RBFOX1: variants seen among roughly 807,000 people sequenced by gnomAD.
The protein encoded by RBFOX1 is RNA binding protein fox-1 homolog 1.
Under a neutral mutation model 57.7 loss-of-function variants are expected in RBFOX1, and 8 were observed. The ratio of observed to expected loss-of-function variants is 0.14; its 90% CI spans 0.08 to 0.25. RBFOX1 has a LOEUF of 0.25. Among genes scored for constraint, RBFOX1 ranks in the 10% least tolerant of loss-of-function variants. The probability of loss-of-function intolerance (pLI) is 1.00; values close to 1 mark genes in which losing one functional copy is unlikely to be tolerated. For missense variants in RBFOX1, 611 were observed against 548.5 expected, an observed-to-expected ratio of 1.11 and a Z score of -1.14; for synonymous variants, 326 against 222.4, an observed-to-expected ratio of 1.47 and a Z score of -4.15.
chr16:6,651,813 C>G (rs1029232438), intron 2 of RBFOX1, among the ~76,000 whole-genome samples: 3 of 152,214 alleles, frequency 2.0e-5, no homozygotes, highest in Non-Finnish European at 4.4e-5. Context: ...GCCCAAATAT[C>G]TATCCACAGA....
chr16:5,966,515 T>C (rs1376679045), intron 4 of RBFOX1, among the ~76,000 whole-genome samples: 1 of 152,210 alleles, frequency 6.6e-6, no homozygotes, highest in Non-Finnish European at 1.5e-5. Flanking sequence ...TGGAGCGCAA[T>C]GGCGCGTTCT....
chr16:6,217,989 C>T (rs2097347199), intron 1 of RBFOX1, among the ~76,000 whole-genome samples: 1 of 152,122 alleles, frequency 6.6e-6, no homozygotes, highest in Non-Finnish European at 1.5e-5. Context: ...GCATTCTAGC[C>T]TGGAAGGCAG....
At chr16:7,597,215 G>A (rs2094749192) in intron 8 of RBFOX1, 156 bp from the exon 9 acceptor site, 1 of 510,102 alleles carries the variant, frequency 2.0e-6, no homozygotes, top group Admixed American at 4.0e-5. Context: ...AAAAATGTAT[G>A]ATTTTGTTAT....
chr16:5,889,378 C>T (rs544647786), intron 4 of RBFOX1, among the ~76,000 whole-genome samples: 7 of 152,290 alleles, frequency 4.6e-5, no homozygotes, highest in Non-Finnish European at 8.8e-5. Context: ...AGTTCCATGT[C>T]CCTGCAAAAG....
In RBFOX1 at chr16:5,339,470, G is replaced by GTTTTTTTTTTTTTTTTTTTTTTTTTTTTT. The variant is rs560472298; in HGVS notation, c.219+99367_219+99395dup. On this transcript the variant is annotated intron_variant, in intron 1 of 2. Transcript: ENST00000585867. Reference sequence around the variant, plus strand: ...AAAAGCTAGAAGCTGCTTTTTCCGTGTTTTTTTTTTTTTTTTTTTTTTTTT... The same window carrying GTTTTTTTTTTTTTTTTTTTTTTTTTTTTT: ...AAAAGCTAGAAGCTGCTTTTTCCGTGTTTTTTTTTTTTTTTTTTTTTTTTTTTTTTTTTTTTTTTTTTTTTTTTTTTTTT... 6.4e-4 allele frequency among the ~76,000 whole-genome samples: 26 copies of GTTTTTTTTTTTTTTTTTTTTTTTTTTTTT among 40,888 alleles called. 9 individuals carry two copies. Among genetic ancestry groups the GTTTTTTTTTTTTTTTTTTTTTTTTTTTTT allele is most frequent in the Non-Finnish European group, 7.7e-4 (17 of 22,198 alleles). The allele number at this position is 40,888 out of a possible 152,430, so 26.8% of individuals were successfully genotyped here. A position where few individuals can be genotyped will look rare whatever the true frequency, so the allele number is the denominator to read the frequency against.
At chr16:5,942,590 C>T (rs1412557682) in intron 4 of RBFOX1, among the ~76,000 whole-genome samples, 5 of 152,162 alleles carry the variant, frequency 3.3e-5, no homozygotes, top group Admixed American at 6.5e-5. Context: ...AAGTCCCTTT[C>T]ATGATCCTAA....
chr16:5,334,749 T>C (rs1246993127), intron 1 of RBFOX1, among the ~76,000 whole-genome samples: 1 of 151,722 alleles, frequency 6.6e-6, no homozygotes, highest in Non-Finnish European at 1.5e-5. Context: ...ATGGGCAATG[T>C]GGTACACTGT....
intron 2 of RBFOX1, among the ~76,000 whole-genome samples, chr16:6,540,898 T>G (rs987179089): frequency 1.3e-5 from 2 of 152,158 alleles, no homozygotes; most frequent in Admixed American, 6.5e-5. Flanking sequence ...CGTTAAAATG[T>G]CGTTTCTCTG....
intron 3 of RBFOX1, among the ~76,000 whole-genome samples, chr16:5,647,291 G>A (rs919802032): frequency 6.6e-6 from 1 of 152,192 alleles, no homozygotes; most frequent in African/African-American, 2.4e-5. Context: ...GCACAGCTGG[G>A]ATTTAGTTCT....
chr16:5,702,449 C>G (rs1596835762), intron 3 of RBFOX1, among the ~76,000 whole-genome samples: 1 of 152,194 alleles, frequency 6.6e-6, no homozygotes, highest in South Asian at 2.1e-4. Flanking sequence ...AGTGGGGGCA[C>G]AAATCCAAAC....
chr16:6,565,493 G>A (rs970894577), intron 2 of RBFOX1, among the ~76,000 whole-genome samples: 8 of 151,494 alleles, frequency 5.3e-5, no homozygotes, highest in East Asian at 2.0e-4. Context: ...TCCTGACCTC[G>A]TGATCCACCT....
chr16:6,830,068 C>G (rs894315826), intron 3 of RBFOX1, among the ~76,000 whole-genome samples: 1 of 152,054 alleles, frequency 6.6e-6, no homozygotes, highest in East Asian at 1.9e-4. Context: ...AGGCACACAC[C>G]ACCAAGCCTG....
intron 3 of RBFOX1, among the ~76,000 whole-genome samples, chr16:5,681,822 T>C (rs1175349867): frequency 6.6e-6 from 1 of 152,126 alleles, no homozygotes. Context: ...GTCTGAGATA[T>C]TAATATACGG....
At chr16:7,318,356 A>AGTGGTG (rs1013166202) in intron 4 of RBFOX1, among the ~76,000 whole-genome samples, 1 of 149,726 alleles carries the variant, frequency 6.7e-6, no homozygotes, top group Non-Finnish European at 1.5e-5. Context: ...TGGTAGTTGC[A>AGTGGTG]GTGGTGGTGG....
chr16:7,277,590 A>G (rs558775948), intron 4 of RBFOX1, among the ~76,000 whole-genome samples: 31 of 152,174 alleles, frequency 2.0e-4, no homozygotes, highest in Non-Finnish European at 4.1e-4. Flanking sequence ...TTCATAAAAT[A>G]CAGGTATTTA....
chr16:6,865,426 A>G lies in RBFOX1; in HGVS notation c.-15-186631A>G, dbSNP rs116769823. On this transcript the variant is annotated intron_variant, in intron 3 of 15. Coordinates refer to ENST00000550418, the MANE Select transcript of RBFOX1 (RefSeq NM_018723.4). Reference sequence around the variant, plus strand: ...ATTTCTAATTTTACCAGTGTTTATCATTAGTGTGTGCCATGGGGATATTTC... The same window carrying G: ...ATTTCTAATTTTACCAGTGTTTATCGTTAGTGTGTGCCATGGGGATATTTC... Among the ~76,000 whole-genome samples the G allele has an allele frequency of 2.8e-3, 422 of 152,288 alleles. 2 individuals carry two copies. Among genetic ancestry groups the G allele is most frequent in the Middle Eastern group, 0.017 (5 of 294 alleles).
intron 4 of RBFOX1, among the ~76,000 whole-genome samples, chr16:7,342,669 G>C (rs550186818): frequency 2.3e-4 from 35 of 152,318 alleles, no homozygotes; most frequent in African/African-American, 8.4e-4. Context: ...GGACAGTGCA[G>C]AGATACAACT....
At chr16:5,766,714 A>G (rs866540310) in intron 3 of RBFOX1, among the ~76,000 whole-genome samples, 43 of 152,102 alleles carry the variant, frequency 2.8e-4, no homozygotes, top group African/African-American at 9.7e-4. Flanking sequence ...CCCACCTCCA[A>G]TGTTGGGGAC....
intron 2 of RBFOX1, among the ~76,000 whole-genome samples, chr16:6,402,610 G>C (rs576158981): frequency 1.4e-4 from 22 of 152,234 alleles, no homozygotes; most frequent in African/African-American, 4.8e-4. Context: ...CTGGGTTGCT[G>C]TCCTCTGCCT....
Sources: allele counts gnomAD v4.1 joint callset (sites outside exome capture counted in the v4.1 genomes callset), GRCh38; gene constraint gnomAD v4.1.1; transcripts MANE v1.5; gene names NCBI Gene and HGNC (gene_info 2026-07-23, HGNC 2026-07-21).